Variants in ACBD5 observed in about 807,000 individuals in gnomAD.
ACBD5 encodes acyl-CoA-binding domain-containing protein 5.
In ACBD5, 40 loss-of-function variants were observed where a neutral mutation model predicts 71.8. The observed-to-expected ratio is 0.56, with a 90% confidence interval of 0.43 to 0.72. The LOEUF (loss-of-function observed/expected upper bound fraction) is 0.72. ACBD5 is among the 30% of genes least tolerant of loss of function. ACBD5 has a pLI of 0.00. For missense variants in ACBD5, 559 were observed against 644.5 expected (o/e 0.87, Z 1.44); for synonymous variants, 229 against 218.6 (o/e 1.05, Z -0.42).
Position 27,204,553 on chromosome 10 carries a change from A to C in ACBD5, c.1456-4T>G. On this transcript the variant is annotated splice_polypyrimidine_tract_variant and splice_region_variant and intron_variant, in intron 11 of 12. Coordinates refer to ENST00000396271, the MANE Select transcript of ACBD5 (RefSeq NM_145698.5). ...CGAAGGGCCACCAAGATGGTCTCTG[A>C]GAAAATACAATAAGCTTGTCACCAA... 5 of 1,607,554 alleles carry C rather than the reference A, an allele frequency of 3.1e-6. No homozygotes were observed. Among genetic ancestry groups the C allele is most frequent in the Non-Finnish European group, 4.3e-6 (5 of 1,174,100 alleles).
At chr10:27,236,113 C>CAAAAAAAAAAAAAAAAAAAAAAAAAA (rs138918182) in intron 2 of ACBD5, among the ~76,000 whole-genome samples, 1 of 138,412 alleles carries the variant, frequency 7.2e-6, no homozygotes. Context: ...GACCCTGTCT[C>CAAAAAAAAAAAAAAAAAAAAAAAAAA]AAAAAAAAAA....
At chr10:27,209,944 A>G (rs1192841273) in intron 9 of ACBD5, among the ~76,000 whole-genome samples, 1 of 152,230 alleles carries the variant, frequency 6.6e-6, no homozygotes, top group Non-Finnish European at 1.5e-5. Flanking sequence ...GTTACAAACA[A>G]AATTGCAGTG....
At chr10:27,218,564 G>A (rs7084515) in intron 6 of ACBD5, among the ~76,000 whole-genome samples, 10,563 of 149,892 alleles carry the variant, frequency 0.07, 692 homozygotes, top group African/African-American at 0.17. Context: ...TTACTGGAAA[G>A]GGAAGGCAAA....
rs138475678 is a variant in ACBD5 at position 27,188,871 on chromosome 10, C to T, written c.1494-6156G>A. On this transcript the variant is annotated intron_variant, in intron 13 of 13. Coordinates refer to the ACBD5 transcript ENST00000676511. ...CATGCACGTCTTTAAAAAACACCAACGGCCACCAATAGAAATCCACTCATC... is the reference window on the plus strand; with the variant it reads ...CATGCACGTCTTTAAAAAACACCAATGGCCACCAATAGAAATCCACTCATC... Among the ~76,000 whole-genome samples, 37 of 152,272 alleles carry T rather than the reference C, an allele frequency of 2.4e-4. No homozygotes were observed. The East Asian group carries it at 6.9e-3, about 29-fold the overall frequency.
rs183809374 is a variant in ACBD5, at chr10:27,218,554, T to C, written c.626-371A>G. On this transcript the variant is annotated intron_variant, in intron 6 of 12. Coordinates refer to ENST00000396271, the MANE Select transcript of ACBD5 (RefSeq NM_145698.5). The stretch of plus-strand genomic sequence containing the variant: ...TAAAGAAGGCGCTATTTGTCATACC[T>C]TACTGGAAAGGGAAGGCAAAACTAA... Among the ~76,000 whole-genome samples the C allele has an allele frequency of 3.3e-5, 5 of 151,572 alleles. No homozygotes were observed. The East Asian group carries it at 9.7e-4, about 30-fold the overall frequency.
chr10:27,240,954 G>T, upstream of ACBD5: 5 of 594,666 alleles, frequency 8.4e-6, no homozygotes. This position sits in a 1 kb window ranked among gnomAD's most constrained non-coding sequence, Gnocchi z 4.1. Context: ...GAGGGTCCGG[G>T]AAGCGGGGAA....
chr10:27,234,231 T>C (rs1374599598), intron 3 of ACBD5, among the ~76,000 whole-genome samples: 1 of 152,194 alleles, frequency 6.6e-6, no homozygotes, highest in Non-Finnish European at 1.5e-5. Context: ...TTTTAGTTTA[T>C]AGTTTATAAT....
In ACBD5 at chr10:27,240,240, A is replaced by C. The variant is rs1218425367; in HGVS notation, c.181+79T>G. ...ACACAGAAAAAAAGGCTAAATAAACAACACTAGAACCAGAAAGTGAAAGGG... is the reference window on the plus strand; with the variant it reads ...ACACAGAAAAAAAGGCTAAATAAACCACACTAGAACCAGAAAGTGAAAGGG... On this transcript the variant is annotated intron_variant, in intron 2 of 12. Coordinates refer to ENST00000396271, the MANE Select transcript of ACBD5 (RefSeq NM_145698.5). The surrounding 1 kb of genome is among the most constrained non-coding windows in gnomAD (Gnocchi z 4.1). The C allele has an allele frequency of 3.7e-6, 6 of 1,610,754 alleles. No homozygotes were observed. Among genetic ancestry groups the C allele is most frequent in the Non-Finnish European group, 5.1e-6 (6 of 1,179,126 alleles).
intron 4 of ACBD5, among the ~76,000 whole-genome samples, chr10:27,227,857 C>T (rs1009576408): frequency 6.6e-6 from 1 of 151,948 alleles, no homozygotes; most frequent in Admixed American, 6.6e-5. Context: ...AGATTACAAG[C>T]GCCCGCCACC....
intron 4 of ACBD5, among the ~76,000 whole-genome samples, chr10:27,230,042 T>C (rs1184053817): frequency 6.6e-6 from 1 of 151,202 alleles, no homozygotes; most frequent in Non-Finnish European, 1.5e-5. Flanking sequence ...ACTTAATGTG[T>C]CAATTCAACA....
At chr10:27,210,568 G>A (rs544463408) in intron 9 of ACBD5, among the ~76,000 whole-genome samples, 1 of 152,226 alleles carries the variant, frequency 6.6e-6, no homozygotes, top group South Asian at 2.1e-4. Flanking sequence ...GACCAGCCTG[G>A]CCAACATGGT....
intron 8 of ACBD5, among the ~76,000 whole-genome samples, chr10:27,212,685 C>T (rs890487905): frequency 6.6e-6 from 1 of 150,914 alleles, no homozygotes; most frequent in Non-Finnish European, 1.5e-5. Context: ...CTCAAGCCAT[C>T]CTCCCTGAGT....
At chr10:27,214,452 C>T (rs11813101) in intron 8 of ACBD5, among the ~76,000 whole-genome samples, 10,602 of 151,938 alleles carry the variant, frequency 0.07, 693 homozygotes, top group African/African-American at 0.17. Flanking sequence ...TGGTTTCAAG[C>T]GAAGTTCCTG....
intron 5 of ACBD5, among the ~76,000 whole-genome samples, chr10:27,221,414 A>T (rs1589220703): frequency 6.6e-6 from 1 of 152,112 alleles, no homozygotes; most frequent in East Asian, 1.9e-4. Flanking sequence ...TTACCAAAAA[A>T]CTTCTGGTCT....
At chr10:27,200,219 G>A (rs1036041528) in intron 12 of ACBD5, among the ~76,000 whole-genome samples, 4 of 152,172 alleles carry the variant, frequency 2.6e-5, no homozygotes, top group Admixed American at 6.5e-5. Flanking sequence ...CAGTAAAGAA[G>A]CTGGCTAAAA....
At position 27,215,730 on chromosome 10, in the gene ACBD5, T is replaced by C. The variant is rs113116117; in HGVS notation, c.830-89A>G. 0.042 allele frequency: 39,407 copies of C among 933,812 alleles called. 1,674 individuals carry two copies. Among genetic ancestry groups the C allele is most frequent in the African/African-American group, 0.17 (10,335 of 60,948 alleles). 57.8% of individuals were successfully genotyped at this position (933,812 alleles called of 1,614,324 possible). On this transcript the variant is annotated intron_variant, in intron 7 of 12. Transcript: ENST00000396271. Reference sequence around the variant, plus strand: ...CCTTTGTTTTTTTGAGATGGAGTCTTGCTCTGTTGCCCAGGCTGGAGTGCA... The same window carrying C: ...CCTTTGTTTTTTTGAGATGGAGTCTCGCTCTGTTGCCCAGGCTGGAGTGCA...
chr10:27,239,737 TTTTGTTTGTTTGTTTG>T (rs35949495), intron 2 of ACBD5, among the ~76,000 whole-genome samples: 3 of 150,608 alleles, frequency 2.0e-5, no homozygotes, highest in Non-Finnish European at 4.4e-5. Flanking sequence ...CAGCCTAGAT[TTTTGTTTGTTTGTTTG>T]TTTGTTTGTT....
Position 27,208,308 on chromosome 10 carries a change from G to T in ACBD5, c.1342C>A (p.Gln448Lys). The T allele has an allele frequency of 6.2e-7, 1 of 1,614,150 alleles. No individual in the cohort carries two copies. The highest frequency in any genetic ancestry group is 8.5e-7 in the Non-Finnish European group (1 of 1,180,026). Residue 448 changes from glutamine to lysine, a missense_variant, in exon 10 of 13, where the codon CAG becomes AAG. By Grantham distance (53) the Gln-to-Lys change is moderately conservative. Coordinates refer to ENST00000396271, the MANE Select transcript of ACBD5 (RefSeq NM_145698.5). Reference sequence around the variant, plus strand: ...TGAAGGACATTCTGCATGTCCTCCTGCAGTCTCATCAGCACGAGGGCGATC... The same window carrying T: ...TGAAGGACATTCTGCATGTCCTCCTTCAGTCTCATCAGCACGAGGGCGATC... ...EQIALVLMRL[Q>K]EDMQNVLQRL...
Position 27,220,676 on chromosome 10 carries a change from C to T in ACBD5, c.491-819G>A, listed in dbSNP as rs185437955. ...ATCAAAATCCAAGCTGGCATTTCTG[C>T]AAAAATTGACATGCAGATTCTAAAA... On this transcript the variant is annotated intron_variant, in intron 5 of 12. Coordinates refer to ENST00000396271, the MANE Select transcript of ACBD5 (RefSeq NM_145698.5). 2.7e-3 allele frequency among the ~76,000 whole-genome samples: 416 copies of T among 152,144 alleles called. 9 individuals carry two copies. Among genetic ancestry groups the T allele is most frequent in the Middle Eastern group, 0.024 (7 of 292 alleles).
Sources: allele counts gnomAD v4.1 joint callset (sites outside exome capture counted in the v4.1 genomes callset), GRCh38; gene constraint gnomAD v4.1.1; non-coding constraint Gnocchi (gnomAD v3.1); transcripts MANE v1.5; gene names NCBI Gene and HGNC (gene_info 2026-07-23, HGNC 2026-07-21).